The following ADAMTSL3 variants were observed in gnomAD, a reference collection of about 807,000 sequenced individuals.
The protein encoded by ADAMTSL3 is ADAMTS-like protein 3.
A neutral mutation model predicts 201.7 loss-of-function variants in ADAMTSL3; 128 were observed. The observed-to-expected ratio is 0.63, with a 90% CI of 0.55 to 0.73. The LOEUF (loss-of-function observed/expected upper bound fraction) is 0.73. Ranked by LOEUF, ADAMTSL3 falls within the 30% of genes least tolerant of loss-of-function variation. The pLI is 0.00. For missense variants in ADAMTSL3, 1,990 were observed against 2,119.6 expected (o/e 0.94, Z 1.20); for synonymous variants, 738 against 748.4 (o/e 0.99, Z 0.23).
intron 15 of ADAMTSL3, among the ~76,000 whole-genome samples, chr15:83,907,528 T>C (rs2065863256): frequency 6.6e-6 from 1 of 152,212 alleles, no homozygotes; most frequent in Non-Finnish European, 1.5e-5. Flanking sequence ...GCCTCCCTAG[T>C]AGCTAGAACT....
intron 3 of ADAMTSL3, among the ~76,000 whole-genome samples, chr15:83,769,611 A>G (rs2062946002): frequency 6.6e-6 from 1 of 152,154 alleles, no homozygotes; most frequent in Admixed American, 6.5e-5. Flanking sequence ...TATTGCCTCT[A>G]GCAGGACTGC....
chr15:83,795,777 G>T (rs560574017), intron 4 of ADAMTSL3, among the ~76,000 whole-genome samples: 1 of 152,238 alleles, frequency 6.6e-6, no homozygotes, highest in East Asian at 1.9e-4. Flanking sequence ...TATGAAAATT[G>T]ATCTTGTAGC....
Position 83,690,172 on chromosome 15 carries a change from G to A in ADAMTSL3, c.70-14217G>A, listed in dbSNP as rs531715325. ...CATTTGTCTCCTGGAATGTTACAGC[G>A]GCCTCACTAGTTTCCCTGCCTTCTG... is the stretch of plus-strand genomic sequence containing the variant. On this transcript the variant is annotated intron_variant, in intron 2 of 29. Coordinates refer to ENST00000286744, the MANE Select transcript of ADAMTSL3 (RefSeq NM_207517.3). Among the ~76,000 whole-genome samples the A allele has an allele frequency of 5.2e-4, 79 of 152,058 alleles. 1 individual carries two copies. The highest frequency in any genetic ancestry group is 1.9e-3 in the African/African-American group (77 of 41,482).
Position 84,016,420 on chromosome 15 carries a change from A to G in ADAMTSL3, c.4194A>G (p.Gln1398=). Residue 1398 remains glutamine (Q), a synonymous_variant, in exon 25 of 30, where the codon CAA becomes CAG. Transcript: ENST00000286744. ...RWPESRIVFL[Q]GHKKYILQAT... ...CAGAGAGTAGAATCGTATTTCTGCA[A>G]GGACATAAAAAGTACATTCTCCAGG... 6.2e-7 allele frequency: 1 copy of G among 1,614,066 alleles called. No individual in the cohort carries two copies. Among genetic ancestry groups the G allele is most frequent in the Non-Finnish European group, 8.5e-7 (1 of 1,179,974 alleles).
rs576465511 is a variant in ADAMTSL3, at chr15:84,029,206, C to T, written c.4657-2129C>T. Among the ~76,000 whole-genome samples, 3 of 152,272 alleles carry T rather than the reference C, an allele frequency of 2.0e-5. No homozygotes were observed. In the South Asian group the frequency reaches 6.2e-4, roughly 32 times the overall value. ...ACAGACTGGAACAGTTTGGAGGGCTCAGAAGAAGACAGGAAGATTTGGGAG... is the reference window on the plus strand; with the variant it reads ...ACAGACTGGAACAGTTTGGAGGGCTTAGAAGAAGACAGGAAGATTTGGGAG... On this transcript the variant is annotated intron_variant, in intron 27 of 29. Coordinates refer to ENST00000286744, the MANE Select transcript of ADAMTSL3 (RefSeq NM_207517.3).
At chr15:83,920,616 G>T (rs1468554381) in intron 16 of ADAMTSL3, among the ~76,000 whole-genome samples, 2 of 152,058 alleles carry the variant, frequency 1.3e-5, no homozygotes, top group African/African-American at 2.4e-5. Context: ...TTCCAAATAT[G>T]ATCCTAGGCC....
intron 3 of ADAMTSL3, among the ~76,000 whole-genome samples, chr15:83,728,488 T>A (rs956435937): frequency 1.3e-5 from 2 of 151,936 alleles, no homozygotes; most frequent in Non-Finnish European, 2.9e-5. Flanking sequence ...ATTTCTTGTT[T>A]TTAATTTTTA....
chr15:83,992,234 AGG>A (rs1233215682), intron 23 of ADAMTSL3, among the ~76,000 whole-genome samples: 8 of 152,260 alleles, frequency 5.3e-5, no homozygotes, highest in Admixed American at 5.2e-4. Flanking sequence ...TCCAGCTTTC[AGG>A]CTCTCCCTCC....
chr15:83,895,533 A>T (rs1051862760), intron 13 of ADAMTSL3, among the ~76,000 whole-genome samples: 13 of 152,294 alleles, frequency 8.5e-5, no homozygotes, highest in Non-Finnish European at 1.6e-4. Flanking sequence ...AAAATCAAAT[A>T]TATTCTCAGT....
chr15:83,727,471 T>A (rs1412439049), intron 3 of ADAMTSL3, among the ~76,000 whole-genome samples: 1 of 152,044 alleles, frequency 6.6e-6, no homozygotes, highest in Non-Finnish European at 1.5e-5. Context: ...TTAAGATGCA[T>A]CATTAGGTTG....
intron 6 of ADAMTSL3, among the ~76,000 whole-genome samples, chr15:83,832,736 T>TA (rs2064182407): frequency 6.6e-6 from 1 of 152,102 alleles, no homozygotes; most frequent in Admixed American, 6.5e-5. Flanking sequence ...AGACTACACA[T>TA]AAGTCTTGTA....
intron 3 of ADAMTSL3, among the ~76,000 whole-genome samples, chr15:83,727,658 T>C (rs1185979058): frequency 6.6e-6 from 1 of 152,086 alleles, no homozygotes; most frequent in Non-Finnish European, 1.5e-5. Context: ...TTAATTTCCA[T>C]GTGTTTGCAT....
intron 13 of ADAMTSL3, 131 bp from the exon 14 acceptor site, chr15:83,897,727 A>T: frequency 9.5e-7 from 1 of 1,051,960 alleles, no homozygotes. Flanking sequence ...CCTTCCTTAC[A>T]TAATATTTGT....
chr15:83,687,561 T>TA (rs1211642377), intron 2 of ADAMTSL3, among the ~76,000 whole-genome samples: 10 of 152,110 alleles, frequency 6.6e-5, no homozygotes, highest in Non-Finnish European at 1.5e-4. Flanking sequence ...AGCTAGCTGT[T>TA]ACATCCTCTG....
chr15:83,732,398 T>C (rs1010528819), intron 3 of ADAMTSL3, among the ~76,000 whole-genome samples: 29 of 152,154 alleles, frequency 1.9e-4, no homozygotes, highest in African/African-American at 7.0e-4. Context: ...ACACTGTATA[T>C]TTATCTGCCT....
At chr15:83,856,859 T>C (rs2064745795) in intron 7 of ADAMTSL3, among the ~76,000 whole-genome samples, 1 of 152,222 alleles carries the variant, frequency 6.6e-6, no homozygotes, top group African/African-American at 2.4e-5. Context: ...ATGGTAATTC[T>C]ATGTTTAATA....
rs1596329695 is a variant in ADAMTSL3, at chr15:83,864,760, C to G, written c.802+5920C>G. Among the ~76,000 whole-genome samples the G allele has an allele frequency of 2.6e-5, 4 of 152,220 alleles. No individual in the cohort carries two copies. The South Asian group carries it at 8.3e-4, about 32-fold the overall frequency. The stretch of plus-strand genomic sequence containing the variant: ...TTCAACATAGTGTTGGAAGTTCTGG[C>G]CAGGGCAATCACGCAGGAGAAAGAA... On this transcript the variant is annotated intron_variant, in intron 8 of 29. Coordinates refer to ENST00000286744, the MANE Select transcript of ADAMTSL3 (RefSeq NM_207517.3).
At chr15:83,886,387 G>T (rs1217831212) in intron 10 of ADAMTSL3, among the ~76,000 whole-genome samples, 1 of 152,134 alleles carries the variant, frequency 6.6e-6, no homozygotes, top group Non-Finnish European at 1.5e-5. Flanking sequence ...TATTCTTGAC[G>T]AAAACCCTAA....
At chr15:83,881,977 C>T (rs528338621) in intron 9 of ADAMTSL3, among the ~76,000 whole-genome samples, 1 of 151,986 alleles carries the variant, frequency 6.6e-6, no homozygotes, top group Non-Finnish European at 1.5e-5. Flanking sequence ...CATAGTGGAA[C>T]CCTATCTCTA....
Sources: gnomAD v4.1 joint callset for allele counts (sites outside exome capture counted in the v4.1 genomes callset) on GRCh38, gnomAD v4.1.1 for gene constraint, MANE v1.5 for transcripts, NCBI Gene and HGNC (gene_info 2026-07-23, HGNC 2026-07-21) for gene names.